THSD7B: variants seen among roughly 807,000 people sequenced by gnomAD.
The protein encoded by THSD7B is thrombospondin type-1 domain-containing protein 7B.
THSD7B carries 138 observed loss-of-function variants against 213.6 expected under a neutral mutation model. The observed-to-expected ratio is 0.65, with a 90% CI of 0.56 to 0.74. THSD7B has a LOEUF of 0.74. Among genes scored for constraint, THSD7B ranks in the 30% least tolerant of loss-of-function variants. The pLI is 0.00. For synonymous variants in THSD7B, 742 were observed against 687.0 expected (o/e 1.08, Z -1.25); for missense variants, 1,931 against 1,991.5 (o/e 0.97, Z 0.58).
At chr2:136,918,239 G>T (rs374968585) in intron 2 of THSD7B, among the ~76,000 whole-genome samples, 1 of 151,998 alleles carries the variant, frequency 6.6e-6, no homozygotes, top group Non-Finnish European at 1.5e-5. Context: ...TAGAACTTAG[G>T]TTATCTGACT....
chr2:136,912,202 A>G (rs1684270418), intron 2 of THSD7B, among the ~76,000 whole-genome samples: 2 of 151,564 alleles, frequency 1.3e-5, no homozygotes, highest in African/African-American at 4.9e-5. Flanking sequence ...GGCGCCCATA[A>G]TCCCAGCTAG....
chr2:137,626,173 C>G (rs1682622988), intron 20 of THSD7B, among the ~76,000 whole-genome samples: 1 of 152,068 alleles, frequency 6.6e-6, no homozygotes, highest in African/African-American at 2.4e-5. Context: ...TTTAAAATGC[C>G]TTTAGGGGGC....
chr2:137,223,628 T>A (rs571610846), intron 7 of THSD7B, among the ~76,000 whole-genome samples: 61 of 152,298 alleles, frequency 4.0e-4, no homozygotes, highest in African/African-American at 1.4e-3. Flanking sequence ...GCATTTTAGT[T>A]ATAGTAATTT....
At chr2:136,822,425 A>G (rs1682580336) in intron 1 of THSD7B, among the ~76,000 whole-genome samples, 1 of 152,196 alleles carries the variant, frequency 6.6e-6, no homozygotes. Context: ...GGCAACAACT[A>G]ATTGTCCTCT....
In THSD7B at chr2:137,415,055, C is replaced by CAAAAAA. The variant is rs56403642; in HGVS notation, c.2959+3194_2959+3199dup. ...TAGGTGACAGAGCAAGACCCTGTCT[C>CAAAAAA]AAAAAAAAAAAAAAAATTATTATCA... On this transcript the variant is annotated intron_variant, in intron 14 of 27. Coordinates refer to ENST00000409968, the MANE Select transcript of THSD7B (RefSeq NM_001316349.2). Among the ~76,000 whole-genome samples, 88 of 122,788 alleles carry CAAAAAA rather than the reference C, an allele frequency of 7.2e-4. 3 individuals carry two copies. Among genetic ancestry groups the CAAAAAA allele is most frequent in the African/African-American group, 1.7e-3 (62 of 35,462 alleles). The allele number at this position is 122,788 out of a possible 152,430, so 80.6% of individuals were successfully genotyped here. A position where few individuals can be genotyped will look rare whatever the true frequency, so the allele number is the denominator to read the frequency against.
chr2:137,139,141 C>A (rs1048483083), intron 5 of THSD7B, among the ~76,000 whole-genome samples: 2 of 152,020 alleles, frequency 1.3e-5, no homozygotes, highest in African/African-American at 2.4e-5. Context: ...ATAAATAAAG[C>A]TTGAAGTAAA....
chr2:137,307,698 A>G (rs1185228551), intron 12 of THSD7B, among the ~76,000 whole-genome samples: 1 of 152,156 alleles, frequency 6.6e-6, no homozygotes, highest in Non-Finnish European at 1.5e-5. Flanking sequence ...TGCACTACTG[A>G]TAATAATTGT....
At chr2:137,059,303 G>A (rs1687226733) in intron 3 of THSD7B, among the ~76,000 whole-genome samples, 1 of 152,130 alleles carries the variant, frequency 6.6e-6, no homozygotes, top group Non-Finnish European at 1.5e-5. Context: ...TTCAACATTT[G>A]AATTTTGGAG....
intron 12 of THSD7B, among the ~76,000 whole-genome samples, chr2:137,367,170 GCTAA>G (rs2104944612): frequency 6.6e-6 from 1 of 152,134 alleles, no homozygotes; most frequent in African/African-American, 2.4e-5. Context: ...CAATGCAGTA[GCTAA>G]CTACCATATT....
chr2:137,052,870 G>A (rs1161646813), intron 2 of THSD7B, among the ~76,000 whole-genome samples: 2 of 152,026 alleles, frequency 1.3e-5, no homozygotes, highest in Admixed American at 6.6e-5. Context: ...ATTGCTGAAA[G>A]GTCTTGTCTT....
chr2:137,232,850 AC>A (rs914685891), intron 8 of THSD7B, 48 bp from the exon 9 acceptor site: 2 of 1,578,642 alleles, frequency 1.3e-6, no homozygotes, highest in African/African-American at 2.7e-5. Context: ...AACAACAAAA[AC>A]AAGAACAGCA....
intron 4 of THSD7B, among the ~76,000 whole-genome samples, chr2:137,100,634 G>T (rs369893607): frequency 6.6e-6 from 1 of 152,182 alleles, no homozygotes. Context: ...CGTAGTAAAT[G>T]CTCACCAAAC....
At chr2:136,859,456 C>T (rs965649945) in intron 1 of THSD7B, among the ~76,000 whole-genome samples, 2 of 152,196 alleles carry the variant, frequency 1.3e-5, no homozygotes, top group African/African-American at 4.8e-5. Context: ...CCAAGTTTAA[C>T]AAGCACTGTG....
intron 1 of THSD7B, among the ~76,000 whole-genome samples, chr2:136,876,699 A>C (rs762155878): frequency 4.1e-4 from 63 of 152,302 alleles, no homozygotes; most frequent in Non-Finnish European, 2.8e-4. Flanking sequence ...TATGTGCATA[A>C]AAATGTCTCA....
chr2:137,186,642 C>G (rs1680557853), intron 7 of THSD7B, among the ~76,000 whole-genome samples: 1 of 152,004 alleles, frequency 6.6e-6, no homozygotes, highest in Non-Finnish European at 1.5e-5. Flanking sequence ...AGTCAGGTAA[C>G]ATGATTCCTC....
intron 14 of THSD7B, among the ~76,000 whole-genome samples, chr2:137,435,054 A>C (rs558816690): frequency 6.6e-6 from 1 of 152,236 alleles, no homozygotes; most frequent in Non-Finnish European, 1.5e-5. Context: ...CTAGGAAAAA[A>C]ATATATTAAT....
intron 1 of THSD7B, among the ~76,000 whole-genome samples, 187 bp from the exon 2 acceptor site, chr2:136,881,957 A>G (rs1683631942): frequency 6.6e-6 from 1 of 152,184 alleles, no homozygotes; most frequent in Admixed American, 6.6e-5. Context: ...AATAATACAA[A>G]ACATGGTAAA....
chr2:137,453,486 C>T (rs367862463), intron 15 of THSD7B, among the ~76,000 whole-genome samples: 4 of 151,786 alleles, frequency 2.6e-5, no homozygotes, highest in African/African-American at 7.2e-5. Flanking sequence ...TCTGCCACCA[C>T]GCCCGGCTAA....
intron 1 of THSD7B, among the ~76,000 whole-genome samples, chr2:136,785,471 A>AC (rs5834506): frequency 1 from 152,150 of 152,152 alleles, 76,074 homozygotes; most frequent in Non-Finnish European, 1. Context: ...ATCTTGGAGG[A>AC]CCCAGAAGGA....
Sources: gnomAD v4.1 joint callset for allele counts (sites outside exome capture counted in the v4.1 genomes callset) on GRCh38, gnomAD v4.1.1 for gene constraint, MANE v1.5 for transcripts, NCBI Gene and HGNC (gene_info 2026-07-23, HGNC 2026-07-21) for gene names.